Variants in OGG1 observed in about 807,000 individuals in gnomAD.
The protein encoded by OGG1 is N-glycosylase/DNA lyase.
A neutral mutation model predicts 42.3 loss-of-function variants in OGG1; 35 were observed. That is an observed-to-expected ratio of 0.83 (90% CI 0.63 to 1.10). OGG1 has a LOEUF of 1.10. Among genes scored for constraint, OGG1 ranks in the 50% least tolerant of loss-of-function variants. OGG1 has a pLI of 0.00. For synonymous variants in OGG1, 189 were observed against 179.0 expected, an observed-to-expected ratio of 1.06 and a Z score of -0.44; for missense variants, 484 against 446.7, an observed-to-expected ratio of 1.08 and a Z score of -0.75.
chr3:9,758,997 A>C (rs2077719605), downstream of OGG1: 1 of 614,922 alleles, frequency 1.6e-6, no homozygotes, highest in Admixed American at 2.6e-5. Context: ...TGCCCTCAGG[A>C]TCAAGTTGGT....
At chr3:9,759,015 T>C, downstream of OGG1, 1 of 669,648 alleles carries the variant, frequency 1.5e-6, no homozygotes, top group Non-Finnish European at 2.7e-6. Context: ...GGTGCTCCTC[T>C]GTGGCATATG....
chr3:9,750,395 C>G lies in OGG1; in HGVS notation c.109C>G (p.Leu37Val), dbSNP rs749390434. Reference sequence around the variant, plus strand: ...CCCTCGCTCTGAGCTGCGCCTGGACCTGGTTCTGCCTTCTGGACAATCTTT... The same window carrying G: ...CCCTCGCTCTGAGCTGCGCCTGGACGTGGTTCTGCCTTCTGGACAATCTTT... ...PCPRSELRLD[L>V]VLPSGQSFRW... Residue 37 changes from leucine (L) to valine (V), a missense_variant, in exon 1 of 7, where the codon CTG becomes GTG. By Grantham distance (32) the Leu-to-Val change is conservative (BLOSUM62 1). Coordinates refer to ENST00000344629, the MANE Select transcript of OGG1 (RefSeq NM_002542.6). The G allele has an allele frequency of 6.2e-7, 1 of 1,614,066 alleles. No individual in the cohort carries two copies. Among genetic ancestry groups the G allele is most frequent in the South Asian group, 1.1e-5 (1 of 91,092 alleles).
At chr3:9,777,112 G>A (rs2078374675) in intron 2 of OGG1, among the ~76,000 whole-genome samples, 1 of 152,156 alleles carries the variant, frequency 6.6e-6, no homozygotes, top group African/African-American at 2.4e-5. Flanking sequence ...CCCACTGTGG[G>A]TCAGAGCTCA....
chr3:9,750,874 G>A, intron 1 of OGG1, 71 bp from the exon 2 acceptor site: 5 of 1,585,078 alleles, frequency 3.2e-6, no homozygotes, highest in Non-Finnish European at 4.3e-6. Context: ...AGCTATTGTA[G>A]GATAGGAGGG....
downstream of OGG1, among the ~76,000 whole-genome samples, chr3:9,769,373 C>T (rs1012681115): frequency 6.6e-6 from 1 of 152,130 alleles, no homozygotes; most frequent in African/African-American, 2.4e-5. Context: ...CAAACATCCT[C>T]AGTACACAAT....
intron 2 of OGG1, among the ~76,000 whole-genome samples, chr3:9,774,295 GC>G (rs2078337166): frequency 6.6e-6 from 1 of 151,458 alleles, no homozygotes; most frequent in South Asian, 2.1e-4. Context: ...TGTAGTCCCA[GC>G]TACTCGGGAG....
In OGG1 at chr3:9,782,937, C is replaced by T. The variant is rs114020149; in HGVS notation, c.382+1337C>T. On this transcript the variant is annotated intron_variant, in intron 3 of 3. Coordinates refer to the OGG1 transcript ENST00000426518. ...CTTTACCTAAAGGGTAGCTATTCCA[C>T]AGTCTTCCTCAAGATGTCACCTATA... 2.8e-3 allele frequency among the ~76,000 whole-genome samples: 420 copies of T among 152,334 alleles called. 3 individuals are homozygous for T. Among genetic ancestry groups the T allele is most frequent in the African/African-American group, 9.5e-3 (394 of 41,576 alleles).
intron 7 of OGG1, chr3:9,762,951 TA>T (rs778507521): frequency 1.2e-6 from 2 of 1,614,116 alleles, no homozygotes; most frequent in South Asian, 2.2e-5. Context: ...GTCATGCAGG[TA>T]TTTCACAGCA....
At position 9,757,235 on chromosome 3, in the gene OGG1, G is replaced by C; in HGVS notation, c.*85G>C. 6.2e-7 allele frequency: 1 copy of C among 1,613,972 alleles called. No homozygotes were observed. Among genetic ancestry groups the C allele is most frequent in the East Asian group, 2.2e-5 (1 of 44,878 alleles). On this transcript the variant is annotated 3_prime_UTR_variant, in exon 7 of 7. Coordinates refer to ENST00000344629, the MANE Select transcript of OGG1 (RefSeq NM_002542.6). The surrounding 1 kb of genome is among the most constrained non-coding windows in gnomAD (Gnocchi z 4.5). Reference sequence around the variant, plus strand: ...TCTCCCCATCCCCACCCAGTCTCATGTTGGGGAGGGGCCTCCCTGTGACTA... The same window carrying C: ...TCTCCCCATCCCCACCCAGTCTCATCTTGGGGAGGGGCCTCCCTGTGACTA...
chr3:9,759,895 C>T, downstream of OGG1: 2 of 1,387,350 alleles, frequency 1.4e-6, no homozygotes, highest in East Asian at 2.4e-5. Flanking sequence ...CCAACCTATG[C>T]TCTTCTTCAG....
At chr3:9,766,619 T>G in exon 8 of OGG1, 1 of 1,042,554 alleles carries the variant, frequency 9.6e-7, no homozygotes, top group African/African-American at 1.7e-5. Context: ...AACAGGTTCT[T>G]AAAAAGGAAC....
intron 3 of OGG1, chr3:9,785,456 A>G (rs1281974624): frequency 6.8e-7 from 1 of 1,473,256 alleles, no homozygotes; most frequent in East Asian, 2.3e-5. Context: ...GTGGAAGGAA[A>G]AATAGCTGTT....
At chr3:9,752,972 C>T (rs1391910906) in intron 3 of OGG1, among the ~76,000 whole-genome samples, 4 of 151,976 alleles carry the variant, frequency 2.6e-5, no homozygotes, top group South Asian at 2.1e-4. Flanking sequence ...TGCTTGAACC[C>T]GGGAGCAGGA....
At chr3:9,761,961 C>A, downstream of OGG1, 1 of 652,460 alleles carries the variant, frequency 1.5e-6, no homozygotes, top group Non-Finnish European at 2.5e-6. Context: ...TGGGGGGGAA[C>A]TGTCTCTAAA....
intron 2 of OGG1, among the ~76,000 whole-genome samples, chr3:9,773,750 C>T (rs992252601): frequency 1.4e-4 from 22 of 151,758 alleles, no homozygotes; most frequent in Non-Finnish European, 2.6e-4. Context: ...TGTGGTGCAG[C>T]GGCGCCATCA....
intron 7 of OGG1, chr3:9,763,179 T>A (rs1347191149): frequency 6.2e-7 from 1 of 1,613,938 alleles, no homozygotes; most frequent in Non-Finnish European, 8.5e-7. Context: ...CTCTCATAGA[T>A]GTCATCCAGG....
Position 9,756,541 on chromosome 3 carries a change from A to G in OGG1, c.818A>G (p.His273Arg). The change falls in exon 5 of 7, where the codon CAC becomes CGC. Residue 273 changes from histidine (H) to arginine (R), a missense_variant. Physicochemically the swap from His to Arg is conservative, Grantham distance 29 (BLOSUM62 0). Transcript: ENST00000344629. ...GTGCCCGTGGATGTCCATATGTGGCACATTGCCCAACGTGACTACAGCTGG... is the reference window on the plus strand; with the variant it reads ...GTGCCCGTGGATGTCCATATGTGGCGCATTGCCCAACGTGACTACAGCTGG... ...QAVPVDVHMW[H>R]IAQRDYSWHP... The G allele has an allele frequency of 6.2e-7, 1 of 1,614,182 alleles. No homozygotes were observed. The highest frequency in any genetic ancestry group is 8.5e-7 in the Non-Finnish European group (1 of 1,180,046).
At chr3:9,772,379 A>G (rs2078312978) in intron 2 of OGG1, among the ~76,000 whole-genome samples, 1 of 152,190 alleles carries the variant, frequency 6.6e-6, no homozygotes, top group Non-Finnish European at 1.5e-5. Context: ...TATAGTTCAC[A>G]ATAGCTGGCA....
chr3:9,755,222 T>TTTTG (rs143979227), intron 4 of OGG1, among the ~76,000 whole-genome samples: 18 of 152,160 alleles, frequency 1.2e-4, no homozygotes, highest in East Asian at 5.8e-4. Context: ...CTTTTCGGTT[T>TTTTG]TTTGTTTGTT....
Sources: allele counts gnomAD v4.1 joint callset (sites outside exome capture counted in the v4.1 genomes callset), GRCh38; gene constraint gnomAD v4.1.1; non-coding constraint Gnocchi (gnomAD v3.1); transcripts MANE v1.5; gene names NCBI Gene and HGNC (gene_info 2026-07-23, HGNC 2026-07-21).